PAPSS1: variants seen among roughly 807,000 people sequenced by gnomAD.
The protein encoded by PAPSS1 is 3'-phosphoadenosine 5'-phosphosulfate synthase 1.
Under a neutral mutation model 72.0 loss-of-function variants are expected in PAPSS1, and 50 were observed. That is an observed-to-expected ratio of 0.69 (90% confidence interval 0.55 to 0.88). PAPSS1 has a LOEUF of 0.88. Ranked by LOEUF, PAPSS1 falls within the 40% of genes least tolerant of loss-of-function variation. The probability of loss-of-function intolerance (pLI) is 0.00; values close to 1 mark genes in which losing one functional copy is unlikely to be tolerated. For synonymous variants in PAPSS1, 261 were observed against 263.6 expected (o/e 0.99, Z 0.09); for missense variants, 657 against 782.2 (o/e 0.84, Z 1.91).
intron 4 of PAPSS1, among the ~76,000 whole-genome samples, chr4:107,686,240 C>T (rs1189844598): frequency 6.6e-6 from 1 of 152,090 alleles, no homozygotes; most frequent in African/African-American, 2.4e-5. Flanking sequence ...CGGATTTGTT[C>T]CCGGACTCCC....
chr4:107,706,921 G>A (rs1723351936), intron 1 of PAPSS1, among the ~76,000 whole-genome samples: 1 of 152,176 alleles, frequency 6.6e-6, no homozygotes, highest in Admixed American at 6.5e-5. Context: ...TGGAAGCCTA[G>A]GTCTACAGTG....
At position 107,653,539 on chromosome 4, in the gene PAPSS1, G is replaced by T; in HGVS notation, c.1189C>A (p.Arg397Ser). Residue 397 changes from arginine (R) to serine (S), a missense_variant, in exon 9 of 12, where the codon CGT becomes AGT. Around this residue, in one of 7 missense-constraint regions of PAPSS1, gnomAD observed 166 missense variants for 228.3 expected, o/e 0.73. Coordinates refer to ENST00000265174, the MANE Select transcript of PAPSS1 (RefSeq NM_005443.5). ...VYWNDGLDQY[R>S]LTPTELKQKF... ...TGCTTTAGCTCAGTAGGAGTAAGAC[G>T]ATACTGATCAAGACCATCATTCCAA... is the stretch of plus-strand genomic sequence containing the variant. 4 of 1,611,832 alleles carry T rather than the reference G, an allele frequency of 2.5e-6. No homozygotes were observed. The highest frequency in any genetic ancestry group is 2.5e-6 in the Non-Finnish European group (3 of 1,178,396).
At chr4:107,631,498 T>C (rs1726223273) in intron 11 of PAPSS1, 133 bp downstream of exon 11, 2 of 603,950 alleles carry the variant, frequency 3.3e-6, no homozygotes, top group African/African-American at 1.9e-5. Context: ...AAATTACTTT[T>C]CTGGGTTTAC....
intron 3 of PAPSS1, among the ~76,000 whole-genome samples, chr4:107,691,499 AG>A (rs1246408144): frequency 1.3e-5 from 2 of 152,166 alleles, no homozygotes; most frequent in Non-Finnish European, 2.9e-5. Context: ...GGGCTTCCCA[AG>A]GGAGTATGCT....
chr4:107,648,189 C>A (rs534536720), intron 9 of PAPSS1, among the ~76,000 whole-genome samples: 1 of 152,266 alleles, frequency 6.6e-6, no homozygotes, highest in South Asian at 2.1e-4. Flanking sequence ...CCTTTCCTTC[C>A]AGCAGGTAGA....
rs1463354312 is a variant in PAPSS1 at position 107,635,567 on chromosome 4, CT to C, written c.1507-3708del. Among the ~76,000 whole-genome samples the C allele has an allele frequency of 2.0e-5, 3 of 152,210 alleles. No homozygotes were observed. In the East Asian group the frequency reaches 5.8e-4, roughly 29 times the overall value. The stretch of plus-strand genomic sequence containing the variant: ...TGGAGCAAATAAGGACTGCTTTCCT[CT>C]ACATACTTCCAATCTCCTACAAACT... On this transcript the variant is annotated intron_variant, in intron 10 of 11. Coordinates refer to ENST00000265174, the MANE Select transcript of PAPSS1 (RefSeq NM_005443.5).
chr4:107,708,436 C>T (rs1723396834), intron 1 of PAPSS1, among the ~76,000 whole-genome samples: 1 of 152,212 alleles, frequency 6.6e-6, no homozygotes, highest in African/African-American at 2.4e-5. Flanking sequence ...CTGGTAGAAC[C>T]TGTTTGGCTT....
chr4:107,617,209 T>G (rs1426293374), intron 11 of PAPSS1, among the ~76,000 whole-genome samples: 1 of 117,502 alleles, frequency 8.5e-6, no homozygotes, highest in African/African-American at 4.5e-5. Flanking sequence ...GTCTTCGGCT[T>G]TTTTTTTTTT....
intron 6 of PAPSS1, among the ~76,000 whole-genome samples, chr4:107,659,025 A>G (rs1214448401): frequency 6.6e-6 from 1 of 152,200 alleles, no homozygotes; most frequent in Non-Finnish European, 1.5e-5. Flanking sequence ...ATTCATTCTC[A>G]TTCTTCTTCT....
In PAPSS1 at chr4:107,720,183, CG is replaced by C; in HGVS notation, c.-5del. ...ACAGGCTCCCGGGGATCTCCATGAC[CG>C]CGGAGCGCGCTGAGCAGCCGGGGTT... On this transcript the variant is annotated 5_prime_UTR_variant, in exon 1 of 12. Coordinates refer to ENST00000265174, the MANE Select transcript of PAPSS1 (RefSeq NM_005443.5). 1 of 1,601,104 alleles carries C rather than the reference CG, an allele frequency of 6.2e-7. No individual in the cohort carries two copies. The highest frequency in any genetic ancestry group is 8.5e-7 in the Non-Finnish European group (1 of 1,174,870).
At chr4:107,678,084 T>C (rs1366682552) in intron 5 of PAPSS1, among the ~76,000 whole-genome samples, 2 of 151,808 alleles carry the variant, frequency 1.3e-5, no homozygotes, top group Non-Finnish European at 2.9e-5. Context: ...ACACCTAATG[T>C]TAAATGACGA....
intron 11 of PAPSS1, among the ~76,000 whole-genome samples, chr4:107,623,093 C>A (rs144343603): frequency 6.6e-6 from 1 of 152,340 alleles, no homozygotes; most frequent in African/African-American, 2.4e-5. Context: ...CATGCCTACA[C>A]ACTGACCTCC....
intron 1 of PAPSS1, among the ~76,000 whole-genome samples, chr4:107,708,837 T>C (rs1198259190): frequency 1.3e-5 from 2 of 152,248 alleles, no homozygotes; most frequent in African/African-American, 4.8e-5. Flanking sequence ...AAGTTCAGCC[T>C]AAAGGTTTCT....
chr4:107,682,118 T>C lies in PAPSS1; in HGVS notation c.566A>G (p.Asp189Gly). ...AGEIKGFTGI[D>G]SEYEKPEAPE... ...GGCCTCTGGCTTTTCATATTCAGAATCGATCCCAGTGAAACCTGCAAAAGG... is the reference window on the plus strand; with the variant it reads ...GGCCTCTGGCTTTTCATATTCAGAACCGATCCCAGTGAAACCTGCAAAAGG... The change falls in exon 5 of 12, where the codon GAT (aspartate) becomes GGT (glycine). Residue 189 changes from aspartate (D) to glycine (G), a missense_variant. Asp to Gly is a moderately conservative substitution (Grantham distance 94). Around this residue, in one of 7 missense-constraint regions of PAPSS1, gnomAD observed 28 missense variants for 60.8 expected, o/e 0.46. Coordinates refer to ENST00000265174, the MANE Select transcript of PAPSS1 (RefSeq NM_005443.5). The C allele has an allele frequency of 6.3e-7, 1 of 1,587,030 alleles. No individual in the cohort carries two copies. Among genetic ancestry groups the C allele is most frequent in the Non-Finnish European group, 8.6e-7 (1 of 1,157,186 alleles).
At chr4:107,660,369 A>T (rs1727145454) in intron 5 of PAPSS1, among the ~76,000 whole-genome samples, 1 of 152,192 alleles carries the variant, frequency 6.6e-6, no homozygotes, top group South Asian at 2.1e-4. Context: ...AGGTAACAAC[A>T]AAAAGAATTT....
intron 5 of PAPSS1, among the ~76,000 whole-genome samples, chr4:107,674,599 T>C (rs1205271171): frequency 2.0e-5 from 3 of 151,990 alleles, no homozygotes; most frequent in South Asian, 4.2e-4. Context: ...CTTTAACACC[T>C]CACTGTCAAC....
At chr4:107,674,848 G>A (rs910480414) in intron 5 of PAPSS1, among the ~76,000 whole-genome samples, 13 of 152,170 alleles carry the variant, frequency 8.5e-5, no homozygotes, top group African/African-American at 3.1e-4. Context: ...AGACCACAGT[G>A]CAATCAAACT....
At chr4:107,717,057 A>G (rs1723656655) in intron 1 of PAPSS1, among the ~76,000 whole-genome samples, 1 of 150,894 alleles carries the variant, frequency 6.6e-6, no homozygotes, top group South Asian at 2.1e-4. Flanking sequence ...AGTGGATAGT[A>G]TGAAGTGAAA....
In PAPSS1 at chr4:107,668,454, G is replaced by A. The variant is rs533872823; in HGVS notation, c.670-8382C>T. On this transcript the variant is annotated intron_variant, in intron 5 of 11. Coordinates refer to ENST00000265174, the MANE Select transcript of PAPSS1 (RefSeq NM_005443.5). Reference sequence around the variant, plus strand: ...AAAGGATACAAAGCATTGATCCTGGGTGCATCTGTGAGGGCGTTGCCAAAG... The same window carrying A: ...AAAGGATACAAAGCATTGATCCTGGATGCATCTGTGAGGGCGTTGCCAAAG... Among the ~76,000 whole-genome samples the A allele has an allele frequency of 6.6e-5, 10 of 152,278 alleles. No individual in the cohort carries two copies. The East Asian group carries it at 1.2e-3, about 18-fold the overall frequency.
Sources: gnomAD v4.1 joint callset for allele counts (sites outside exome capture counted in the v4.1 genomes callset) on GRCh38, gnomAD v4.1.1 for gene constraint, gnomAD v4.1.1 regional missense constraint, MANE v1.5 for transcripts, NCBI Gene and HGNC (gene_info 2026-07-23, HGNC 2026-07-21) for gene names.